ROS1: variants seen among roughly 807,000 people sequenced by gnomAD.
ROS1 encodes the protein ROS proto-oncogene 1, receptor tyrosine kinase, also known as proto-oncogene tyrosine-protein kinase ROS.
Under a neutral mutation model 273.5 loss-of-function variants are expected in ROS1, and 263 were observed. The observed-to-expected ratio is 0.96, with a 90% confidence interval of 0.87 to 1.06. The LOEUF is 1.06. Among genes scored for constraint, ROS1 ranks in the 50% least tolerant of loss-of-function variants. The pLI, the probability that ROS1 is intolerant of heterozygous loss-of-function variation, is 0.00. For synonymous variants in ROS1, 1,008 were observed against 954.1 expected (o/e 1.06, Z -1.04); for missense variants, 2,833 against 2,751.1 (o/e 1.03, Z -0.67).
intron 12 of ROS1, among the ~76,000 whole-genome samples, chr6:117,390,768 A>G (rs1017227370): frequency 6.6e-6 from 1 of 152,212 alleles, no homozygotes; most frequent in Non-Finnish European, 1.5e-5. Context: ...AAATCCAGCA[A>G]TCAGGAGAAA....
chr6:117,327,088 G>A (rs1423326654), intron 33 of ROS1, among the ~76,000 whole-genome samples: 1 of 152,144 alleles, frequency 6.6e-6, no homozygotes, highest in African/African-American at 2.4e-5. Context: ...GAATATTTCA[G>A]GTCTGAAACT....
Position 117,344,151 on chromosome 6 carries a change from T to C in ROS1, c.4415A>G (p.Tyr1472Cys). 6.2e-7 allele frequency: 1 copy of C among 1,614,034 alleles called. No homozygotes were observed. The highest frequency in any genetic ancestry group is 8.5e-7 in the Non-Finnish European group (1 of 1,179,886). ...TGTTGGAGTAGGGCTGGTGATGCCA[T>C]ACCATGTGAGGTTTGTCTTGGCCAG... is the stretch of plus-strand genomic sequence containing the variant. ...LPLAKTNLTWYGITSPTPTYL... is the reference protein window; with the variant it reads ...LPLAKTNLTWCGITSPTPTYL... Residue 1472 changes from tyrosine to cysteine, a missense_variant, in exon 28 of 44, where the codon TAT becomes TGT. Coordinates refer to ENST00000368507, the MANE Select transcript of ROS1 (RefSeq NM_001378902.1).
At chr6:117,414,584 A>C in intron 3 of ROS1, 39 bp from the exon 4 acceptor site, 1 of 723,638 alleles carries the variant, frequency 1.4e-6, no homozygotes, top group Non-Finnish European at 2.5e-6. Context: ...AAATCTTGAA[A>C]GTTGTAAATA....
At position 117,414,045 on chromosome 6, in the gene ROS1, C is replaced by T. The variant is rs75059860; in HGVS notation, c.255+474G>A. On this transcript the variant is annotated intron_variant, in intron 4 of 43. Transcript: ENST00000368507. ...GAGAGGAAGAAAGCAAGAAAGTAAG[C>T]AAGCAAGCAAGCAAGAAAGAAAGTT... Among the ~76,000 whole-genome samples the T allele has an allele frequency of 2.3e-4, 19 of 82,414 alleles. No individual in the cohort carries two copies. The South Asian group carries it at 2.4e-3, about 10-fold the overall frequency. The allele number at this position is 82,414 out of a possible 152,430, so 54.1% of individuals were successfully genotyped here.
chr6:117,406,414 T>C (rs546535278), intron 5 of ROS1, among the ~76,000 whole-genome samples: 2 of 152,294 alleles, frequency 1.3e-5, no homozygotes, highest in South Asian at 2.1e-4. Context: ...GGATTCATTA[T>C]AACAGACTAT....
chr6:117,289,187 A>G (rs112417911), intron 43 of ROS1, among the ~76,000 whole-genome samples: 4 of 152,360 alleles, frequency 2.6e-5, no homozygotes, highest in African/African-American at 9.6e-5. Flanking sequence ...CTTTTTGTCT[A>G]AAGTATGTAC....
rs144914723 is a variant in ROS1, at chr6:117,381,373, T to A, written c.2481+1944A>T. ...TGTACCCAATATGTAGGGTTTTTTT[T>A]ATCCCCCACCCAACTTCCACCCTCC... On this transcript the variant is annotated intron_variant, in intron 17 of 43. Transcript: ENST00000368507. Among the ~76,000 whole-genome samples the A allele has an allele frequency of 2.0e-4, 30 of 152,104 alleles. 1 individual carries two copies. The highest frequency in any genetic ancestry group is 6.0e-4 in the African/African-American group (25 of 41,538).
chr6:117,339,501 G>C (rs966016798), intron 31 of ROS1, among the ~76,000 whole-genome samples: 1 of 152,040 alleles, frequency 6.6e-6, no homozygotes, highest in Non-Finnish European at 1.5e-5. Flanking sequence ...ATGCAGTTAC[G>C]GTATTATTTC....
At chr6:117,363,276 C>A (rs1779958080) in intron 21 of ROS1, among the ~76,000 whole-genome samples, 1 of 152,026 alleles carries the variant, frequency 6.6e-6, no homozygotes, top group South Asian at 2.1e-4. Context: ...GTCCCACCAG[C>A]CTTCAGCCAG....
chr6:117,372,842 C>A (rs72965306), intron 18 of ROS1, among the ~76,000 whole-genome samples: 11,616 of 152,290 alleles, frequency 0.076, 541 homozygotes, highest in Non-Finnish European at 0.097. Flanking sequence ...GGAAAAGGAT[C>A]CATTCGGGTT....
chr6:117,415,078 A>T (rs560166441), intron 3 of ROS1, among the ~76,000 whole-genome samples: 7 of 152,370 alleles, frequency 4.6e-5, no homozygotes, highest in African/African-American at 1.7e-4. Flanking sequence ...AATCTAAAAA[A>T]GACAGACAGC....
At chr6:117,335,721 C>T (rs1777409856) in intron 32 of ROS1, among the ~76,000 whole-genome samples, 2 of 152,164 alleles carry the variant, frequency 1.3e-5, no homozygotes, top group Non-Finnish European at 2.9e-5. Context: ...TCATCCTCAG[C>T]AACCTAACAC....
intron 4 of ROS1, among the ~76,000 whole-genome samples, chr6:117,413,526 G>A (rs751442292): frequency 6.6e-5 from 10 of 152,122 alleles, no homozygotes; most frequent in Non-Finnish European, 8.8e-5. Flanking sequence ...ACATCAAAAC[G>A]TCAAGGTCTC....
At chr6:117,366,713 C>T (rs376225600) in intron 18 of ROS1, among the ~76,000 whole-genome samples, 3 of 152,210 alleles carry the variant, frequency 2.0e-5, no homozygotes, top group South Asian at 4.1e-4. Context: ...CAGGGTTTCA[C>T]ATGTTGGCCA....
At chr6:117,339,016 T>C (rs1022988781) in intron 31 of ROS1, among the ~76,000 whole-genome samples, 1 of 152,088 alleles carries the variant, frequency 6.6e-6, no homozygotes, top group African/African-American at 2.4e-5. Flanking sequence ...CAAACAAAAT[T>C]ATTTGTTTCC....
chr6:117,421,910 C>G (rs1357985490), intron 1 of ROS1, among the ~76,000 whole-genome samples: 1 of 152,130 alleles, frequency 6.6e-6, no homozygotes. Context: ...CTTCTTAAGG[C>G]ATTTCTACTT....
chr6:117,329,462 G>T lies in ROS1; in HGVS notation c.5231-16C>A, dbSNP rs763361449. 14 of 1,160,744 alleles carry T rather than the reference G, an allele frequency of 1.2e-5. No individual in the cohort carries two copies. Among genetic ancestry groups the T allele is most frequent in the Admixed American group, 1.1e-4 (6 of 57,012 alleles). 71.9% of individuals were successfully genotyped at this position (1,160,744 alleles called of 1,614,324 possible). A position where few individuals can be genotyped will look rare whatever the true frequency, so the allele number is the denominator to read the frequency against. The stretch of plus-strand genomic sequence containing the variant: ...GGGACTCCAGCTTTAGGGAAAAAAA[G>T]AAAATATTGGTTGATATGTTTGAAG... On this transcript the variant is annotated splice_polypyrimidine_tract_variant and intron_variant, in intron 32 of 43. Coordinates refer to ENST00000368507, the MANE Select transcript of ROS1 (RefSeq NM_001378902.1).
rs544445989 is a variant in ROS1 at position 117,365,863 on chromosome 6, C to T, written c.2798-122G>A. The T allele has an allele frequency of 3.1e-6, 3 of 956,498 alleles. No individual in the cohort carries two copies. The South Asian group carries it at 5.7e-5, about 18-fold the overall frequency. 59.3% of individuals were successfully genotyped at this position (956,498 alleles called of 1,614,324 possible). On this transcript the variant is annotated intron_variant, in intron 19 of 43. Coordinates refer to ENST00000368507, the MANE Select transcript of ROS1 (RefSeq NM_001378902.1). ...AGAACTGAAACAAAATTTTTCTTTTCTTTAACATATCCTGAAAAAAATCAT... is the reference window on the plus strand; with the variant it reads ...AGAACTGAAACAAAATTTTTCTTTTTTTTAACATATCCTGAAAAAAATCAT...
chr6:117,328,552 C>T (rs1327448314), intron 33 of ROS1: 1 of 411,990 alleles, frequency 2.4e-6, no homozygotes, highest in South Asian at 2.4e-5. Flanking sequence ...TATGGGAATG[C>T]CAGAGCCAGA....
Sources: gnomAD v4.1 joint callset for allele counts (sites outside exome capture counted in the v4.1 genomes callset) on GRCh38, gnomAD v4.1.1 for gene constraint, MANE v1.5 for transcripts, NCBI Gene and HGNC (gene_info 2026-07-23, HGNC 2026-07-21) for gene names.